The following BTC variants were observed in gnomAD, a reference collection of about 807,000 sequenced individuals.
The protein encoded by BTC is betacellulin.
In BTC, 13 loss-of-function variants were observed where a neutral mutation model predicts 18.1. That is an observed-to-expected ratio of 0.72 (90% CI 0.47 to 1.14). BTC has a LOEUF of 1.14. BTC is among the 50% of genes most tolerant of loss of function. The pLI, the probability that BTC is intolerant of heterozygous loss-of-function variation, is 0.00. For synonymous variants in BTC, 83 were observed against 79.4 expected (o/e 1.05, Z -0.24); for missense variants, 247 against 224.2 (o/e 1.10, Z -0.65).
At chr4:74,794,227 C>T in intron 1 of BTC, 35 bp downstream of exon 1, 1 of 1,549,754 alleles carries the variant, frequency 6.5e-7, no homozygotes, top group African/African-American at 1.4e-5. Flanking sequence ...CCCAGACTTT[C>T]CTCCTGGTTT....
In BTC at chr4:74,750,664, T is replaced by G; in HGVS notation, c.337A>C (p.Arg113=). 1.2e-6 allele frequency: 2 copies of G among 1,613,984 alleles called. No homozygotes were observed. Among genetic ancestry groups the G allele is most frequent in the South Asian group, 2.2e-5 (2 of 91,064 alleles). Residue 113 remains arginine (R), a synonymous_variant, in exon 4 of 6, where the codon AGA becomes CGA. Transcript: ENST00000395743. ...RCERVDLFYL[R]GDRGQILVIC... is the part of the protein sequence containing the mutation. ...ACCAGAATCTGTCCTCTGTCTCCTC[T>G]TAGGTAAAACAAGTCAACTCTCTCA...
intron 1 of BTC, among the ~76,000 whole-genome samples, chr4:74,774,901 T>A (rs983423081): frequency 6.6e-6 from 1 of 151,846 alleles, no homozygotes. Context: ...TAAACCAGGA[T>A]GATAGCACCA....
rs576808222 is a variant in BTC at position 74,755,948 on chromosome 4, G to A, written c.192C>T (p.Gly64=). 6.8e-6 allele frequency: 11 copies of A among 1,614,002 alleles called. No homozygotes were observed. Among genetic ancestry groups the A allele is most frequent in the Non-Finnish European group, 8.5e-6 (10 of 1,180,024 alleles). ...ATTGCTTGGGGCACCTAGAGAAGTG[G>A]CCTTTCCGCTTTGATTGTGTGGTGG... ...AATTTQSKRK[G]HFSRCPKQYK... Residue 64 remains glycine, a synonymous_variant, in exon 3 of 6, where the codon GGC becomes GGT. Transcript: ENST00000395743.
chr4:74,767,180 T>TACACACAC (rs56936798), intron 2 of BTC, among the ~76,000 whole-genome samples: 35 of 147,600 alleles, frequency 2.4e-4, no homozygotes, highest in African/African-American at 8.4e-4. Context: ...TTCTAAAGAC[T>TACACACAC]ACACACACAC....
At chr4:74,748,942 C>T (rs1480184167) in intron 4 of BTC, among the ~76,000 whole-genome samples, 1 of 152,128 alleles carries the variant, frequency 6.6e-6, no homozygotes, top group Non-Finnish European at 1.5e-5. Context: ...TGATTCTCTG[C>T]CCTAAACCTG....
intron 1 of BTC, among the ~76,000 whole-genome samples, chr4:74,772,691 G>A (rs946075405): frequency 2.0e-5 from 3 of 150,940 alleles, no homozygotes; most frequent in Admixed American, 1.3e-4. Flanking sequence ...TAGAGATTCC[G>A]CATCTGCAAC....
intron 1 of BTC, among the ~76,000 whole-genome samples, chr4:74,776,406 C>T (rs1725176680): frequency 6.6e-6 from 1 of 151,954 alleles, no homozygotes; most frequent in Non-Finnish European, 1.5e-5. Context: ...AGAAATTAGT[C>T]CTTATTTCTG....
chr4:74,788,815 T>C (rs1725548296), intron 1 of BTC, among the ~76,000 whole-genome samples: 1 of 152,248 alleles, frequency 6.6e-6, no homozygotes, highest in South Asian at 2.1e-4. Flanking sequence ...GTCTGCCTAT[T>C]TGGCAAAACC....
intron 1 of BTC, among the ~76,000 whole-genome samples, chr4:74,783,182 T>C (rs756222697): frequency 1.3e-5 from 2 of 152,240 alleles, no homozygotes; most frequent in Non-Finnish European, 2.9e-5. Context: ...TCCATGCCAA[T>C]GTCCTGAATG....
At chr4:74,755,004 ATTG>A (rs1428512264) in intron 3 of BTC, among the ~76,000 whole-genome samples, 2 of 151,520 alleles carry the variant, frequency 1.3e-5, no homozygotes, top group African/African-American at 4.9e-5. Flanking sequence ...TACATTAGCA[ATTG>A]TTATCTGCCT....
chr4:74,747,410 C>T (rs1724320587), intron 5 of BTC, among the ~76,000 whole-genome samples: 2 of 152,156 alleles, frequency 1.3e-5, no homozygotes, highest in Non-Finnish European at 2.9e-5. Flanking sequence ...CTGACAGTGG[C>T]TACTCCCTCC....
Position 74,794,383 on chromosome 4 carries a change from C to G in BTC, c.-58G>C. The G allele has an allele frequency of 6.9e-7, 1 of 1,453,514 alleles. No individual in the cohort carries two copies. The highest frequency in any genetic ancestry group is 9.1e-7 in the Non-Finnish European group (1 of 1,102,810). 90.0% of individuals were successfully genotyped at this position (1,453,514 alleles called of 1,614,324 possible). A position where few individuals can be genotyped will look rare whatever the true frequency, so the allele number is the denominator to read the frequency against. ...GACAAGTCTCCCTCCTTCTTCGCCC[C>G]CTTCCCGGGCCTCGGGCGCCTGAGA... On this transcript the variant is annotated 5_prime_UTR_variant, in exon 1 of 6. Transcript: ENST00000395743.
At chr4:74,773,287 T>C (rs1371107656) in intron 1 of BTC, among the ~76,000 whole-genome samples, 2 of 152,178 alleles carry the variant, frequency 1.3e-5, no homozygotes, top group African/African-American at 4.8e-5. Flanking sequence ...TGGCTGCAAC[T>C]AAGAAGCAGG....
At position 74,770,146 on chromosome 4, in the gene BTC, G is replaced by A. The variant is rs774152333; in HGVS notation, c.75C>T (p.Ile25=). ...LLLALALGLV[I]LHCVVADGNS... is the part of the protein sequence containing the mutation. ...TCCCATCTGCCACCACACAGTGAAG[G>A]ATCACTAGACCTTCAAATTCAAAAC... The change falls in exon 2 of 6, where the codon ATC becomes ATT. Residue 25 remains isoleucine, a synonymous_variant. Transcript: ENST00000395743. 5 of 1,611,118 alleles carry A rather than the reference G, an allele frequency of 3.1e-6. No homozygotes were observed. The highest frequency in any genetic ancestry group is 4.2e-6 in the Non-Finnish European group (5 of 1,178,808).
intron 3 of BTC, among the ~76,000 whole-genome samples, chr4:74,753,437 C>T (rs1392850193): frequency 6.6e-6 from 1 of 152,116 alleles, no homozygotes; most frequent in Admixed American, 6.6e-5. Flanking sequence ...CTCTTAACTG[C>T]ATAGTAAATG....
chr4:74,784,441 G>T (rs1447291554), intron 1 of BTC, among the ~76,000 whole-genome samples: 1 of 151,626 alleles, frequency 6.6e-6, no homozygotes, highest in Admixed American at 6.6e-5. Context: ...CTCTTTCCTG[G>T]CCAGAACATT....
intron 1 of BTC, among the ~76,000 whole-genome samples, chr4:74,784,409 C>T (rs899881958): frequency 1.3e-5 from 2 of 152,070 alleles, no homozygotes; most frequent in Admixed American, 1.3e-4. Flanking sequence ...TCTCTTCCTA[C>T]TTACATACTC....
chr4:74,758,185 T>A (rs562501156), intron 2 of BTC, among the ~76,000 whole-genome samples: 3 of 152,296 alleles, frequency 2.0e-5, no homozygotes, highest in African/African-American at 7.2e-5. Context: ...TTCACTGGAA[T>A]GGAAGGGTCC....
chr4:74,783,034 T>A (rs1725377997), intron 1 of BTC, among the ~76,000 whole-genome samples: 1 of 152,230 alleles, frequency 6.6e-6, no homozygotes, highest in Non-Finnish European at 1.5e-5. Flanking sequence ...AAAATTTTAC[T>A]CCCATTCTGC....
Sources: gnomAD v4.1 joint callset for allele counts (sites outside exome capture counted in the v4.1 genomes callset) on GRCh38, gnomAD v4.1.1 for gene constraint, MANE v1.5 for transcripts, NCBI Gene and HGNC (gene_info 2026-07-23, HGNC 2026-07-21) for gene names.